Variants in ZNF705B observed in about 807,000 individuals in gnomAD.
The protein encoded by ZNF705B is zinc finger protein 705B.
A neutral mutation model predicts 10.5 loss-of-function variants in ZNF705B; 1 was observed. That is an observed-to-expected ratio of 0.10 (90% confidence interval 0.03 to 0.45). ZNF705B has a LOEUF of 0.45. ZNF705B is among the 20% of genes least tolerant of loss of function. The pLI is 0.97. For synonymous variants in ZNF705B, 4 were observed against 25.4 expected (o/e 0.16, Z 2.53); for missense variants, 14 against 84.0 (o/e 0.17, Z 3.26).
chr8:7,930,839 T>A lies in ZNF705B; in HGVS notation c.-72+403T>A, dbSNP rs1819823630. 2.1e-5 allele frequency among the ~76,000 whole-genome samples: 2 copies of A among 95,558 alleles called. 1 individual carries two copies. Among genetic ancestry groups the A allele is most frequent in the Non-Finnish European group, 5.2e-5 (2 of 38,398 alleles). The allele number at this position is 95,558 out of a possible 152,430, so 62.7% of individuals were successfully genotyped here. A position where few individuals can be genotyped will look rare whatever the true frequency, so the allele number is the denominator to read the frequency against. On this transcript the variant is annotated intron_variant, in intron 2 of 6. Transcript: ENST00000400120. ...TCACGGCAAAGATGTGTTGTGTTATTTTTTTTGTTTTTTTTTTTGTTGTTG... is the reference window on the plus strand; with the variant it reads ...TCACGGCAAAGATGTGTTGTGTTATATTTTTTGTTTTTTTTTTTGTTGTTG...
rs529572067 is a variant in ZNF705B at position 7,927,045 on chromosome 8, G to T, written c.-222+648G>T. Among the ~76,000 whole-genome samples, 134 of 119,764 alleles carry T rather than the reference G, an allele frequency of 1.1e-3. 4 individuals carry two copies. Among genetic ancestry groups the T allele is most frequent in the African/African-American group, 3.3e-3 (129 of 39,570 alleles). 78.6% of individuals were successfully genotyped at this position (119,764 alleles called of 152,430 possible). A position where few individuals can be genotyped will look rare whatever the true frequency, so the allele number is the denominator to read the frequency against. ...ATACCACTTTCAAGACTCGTGGTAC[G>T]TGATAGGTGTTCAAGAATGTTCATT... On this transcript the variant is annotated intron_variant, in intron 1 of 6. Coordinates refer to ENST00000400120, the MANE Select transcript of ZNF705B (RefSeq NM_001193630.1).
At chr8:7,931,992 G>A (rs1819862481) in intron 2 of ZNF705B, among the ~76,000 whole-genome samples, 1 of 121,074 alleles carries the variant, frequency 8.3e-6, no homozygotes, top group African/African-American at 2.5e-5. Context: ...AGGGCAGGAT[G>A]TAGTCTTTTG....
Position 7,933,929 on chromosome 8 carries a change from C to CTTTTTTT in ZNF705B, c.-72+3516_-72+3522dup, listed in dbSNP as rs1162997944. ...ATCAAGTCATAACATGTAATATAAA[C>CTTTTTTT]TTTTTTTTTTTTTTTTTTTTTTTTT... On this transcript the variant is annotated intron_variant, in intron 2 of 6. Transcript: ENST00000400120. Among the ~76,000 whole-genome samples the CTTTTTTT allele has an allele frequency of 3.8e-3, 113 of 29,356 alleles. 7 individuals carry two copies. The highest frequency in any genetic ancestry group is 7.6e-3 in the African/African-American group (97 of 12,810). 19.3% of individuals were successfully genotyped at this position (29,356 alleles called of 152,430 possible). A position where few individuals can be genotyped will look rare whatever the true frequency, so the allele number is the denominator to read the frequency against.
chr8:7,931,263 AC>A (rs1819840079), intron 2 of ZNF705B, among the ~76,000 whole-genome samples: 1 of 120,798 alleles, frequency 8.3e-6, no homozygotes, highest in South Asian at 2.8e-4. Flanking sequence ...AACTCTCGTG[AC>A]CCCAGATGGC....
Position 7,932,023 on chromosome 8 carries a change from G to A in ZNF705B, c.-72+1587G>A, listed in dbSNP as rs1043236452. On this transcript the variant is annotated intron_variant, in intron 2 of 6. Transcript: ENST00000400120. Reference sequence around the variant, plus strand: ...TTTTGGGGGCTGGGCTCTCAAATTGGCATTGTGCCACAGCTGCCTGTGTCT... The same window carrying A: ...TTTTGGGGGCTGGGCTCTCAAATTGACATTGTGCCACAGCTGCCTGTGTCT... 5.0e-5 allele frequency among the ~76,000 whole-genome samples: 6 copies of A among 120,240 alleles called. 1 individual carries two copies. In the South Asian group the frequency reaches 8.5e-4, roughly 17 times the overall value. 78.9% of individuals were successfully genotyped at this position (120,240 alleles called of 152,430 possible). A position where few individuals can be genotyped will look rare whatever the true frequency, so the allele number is the denominator to read the frequency against.
intron 2 of ZNF705B, among the ~76,000 whole-genome samples, chr8:7,940,374 G>A (rs1403807322): frequency 6.9e-6 from 1 of 145,532 alleles, no homozygotes; most frequent in African/African-American, 2.5e-5. Context: ...CTACCATCAA[G>A]ATTATAACCA....
chr8:7,926,894 G>A (rs564154262), intron 1 of ZNF705B, among the ~76,000 whole-genome samples: 1 of 111,374 alleles, frequency 9.0e-6, no homozygotes, highest in Non-Finnish European at 2.1e-5. Flanking sequence ...TAGCAAGAAA[G>A]ACTGTAAAAT....
At chr8:7,933,934 T>TTTTC (rs1819923439) in intron 2 of ZNF705B, among the ~76,000 whole-genome samples, 1 of 52,666 alleles carries the variant, frequency 1.9e-5, no homozygotes, top group Non-Finnish European at 4.4e-5. Flanking sequence ...ATAAACTTTT[T>TTTTC]TTTTTTTTTT....
rs1165071942 is a variant in ZNF705B, at chr8:7,928,420, T to G, written c.-221-1867T>G. On this transcript the variant is annotated intron_variant, in intron 1 of 6. Transcript: ENST00000400120. ...AGTGTCATTTGTTTAAACAAATACGTGAGTACCTCGTCTCTGCTAGGTACT... is the reference window on the plus strand; with the variant it reads ...AGTGTCATTTGTTTAAACAAATACGGGAGTACCTCGTCTCTGCTAGGTACT... 1.7e-5 allele frequency among the ~76,000 whole-genome samples: 2 copies of G among 120,866 alleles called. 1 individual carries two copies. Among genetic ancestry groups the G allele is most frequent in the Non-Finnish European group, 4.0e-5 (2 of 50,400 alleles). 79.3% of individuals were successfully genotyped at this position (120,866 alleles called of 152,430 possible). A position where few individuals can be genotyped will look rare whatever the true frequency, so the allele number is the denominator to read the frequency against.
At chr8:7,926,433 G>A (rs1347821140) in intron 1 of ZNF705B, 36 bp downstream of exon 1, 1 of 119,222 alleles carries the variant, frequency 8.4e-6, no homozygotes, top group Non-Finnish European at 2.0e-5. Context: ...GGCTAAAGAA[G>A]GGGTGGGAGG....
chr8:7,940,722 A>G (rs1563082963), intron 2 of ZNF705B, among the ~76,000 whole-genome samples: 1 of 146,960 alleles, frequency 6.8e-6, no homozygotes, highest in Non-Finnish European at 1.5e-5. Flanking sequence ...TATTTCATAT[A>G]ACCTAATGCC....
At chr8:7,931,653 G>A (rs1311110371) in intron 2 of ZNF705B, among the ~76,000 whole-genome samples, 22 of 123,420 alleles carry the variant, frequency 1.8e-4, no homozygotes, top group African/African-American at 5.2e-4. Flanking sequence ...CCAGGCAGGT[G>A]AGTCCCCAGG....
intron 2 of ZNF705B, among the ~76,000 whole-genome samples, chr8:7,941,058 AC>A (rs1299414193): frequency 1.3e-5 from 2 of 149,436 alleles, no homozygotes; most frequent in Non-Finnish European, 3.0e-5. Flanking sequence ...CATGGTGTAT[AC>A]GTACCACATT....
In ZNF705B at chr8:7,933,929, C is replaced by CTTTTTTTTTTT. The variant is rs1162997944; in HGVS notation, c.-72+3512_-72+3522dup. On this transcript the variant is annotated intron_variant, in intron 2 of 6. Coordinates refer to ENST00000400120, the MANE Select transcript of ZNF705B (RefSeq NM_001193630.1). Reference sequence around the variant, plus strand: ...ATCAAGTCATAACATGTAATATAAACTTTTTTTTTTTTTTTTTTTTTTTTT... The same window carrying CTTTTTTTTTTT: ...ATCAAGTCATAACATGTAATATAAACTTTTTTTTTTTTTTTTTTTTTTTTTTTTTTTTTTTT... 6.1e-3 allele frequency among the ~76,000 whole-genome samples: 180 copies of CTTTTTTTTTTT among 29,372 alleles called. 14 individuals are homozygous for CTTTTTTTTTTT. Among genetic ancestry groups the CTTTTTTTTTTT allele is most frequent in the African/African-American group, 0.012 (158 of 12,824 alleles). 19.3% of individuals were successfully genotyped at this position (29,372 alleles called of 152,430 possible).
chr8:7,931,145 G>C (rs1455195262), intron 2 of ZNF705B, among the ~76,000 whole-genome samples: 4 of 121,376 alleles, frequency 3.3e-5, no homozygotes, highest in Non-Finnish European at 7.9e-5. Flanking sequence ...GAGTCAGGTG[G>C]CTTTCTCAAG....
rs561531363 is a variant in ZNF705B, at chr8:7,926,743, G to A, written c.-222+346G>A. On this transcript the variant is annotated intron_variant, in intron 1 of 6. Coordinates refer to ENST00000400120, the MANE Select transcript of ZNF705B (RefSeq NM_001193630.1). ...TGATGCAGACTTTCCCCCTTTGTTA[G>A]GGAAGTGCAATTCAGACAACCTTTT... Among the ~76,000 whole-genome samples the A allele has an allele frequency of 6.7e-4, 77 of 115,008 alleles. 12 individuals carry two copies. The East Asian group carries it at 0.015, about 23-fold the overall frequency. The allele number at this position is 115,008 out of a possible 152,430, so 75.4% of individuals were successfully genotyped here.
rs865775976 is a variant in ZNF705B at position 7,928,244 on chromosome 8, C to T, written c.-222+1847C>T. Among the ~76,000 whole-genome samples the T allele has an allele frequency of 4.1e-4, 47 of 115,630 alleles. 1 individual carries two copies. The highest frequency in any genetic ancestry group is 9.8e-4 in the African/African-American group (38 of 38,768). 75.9% of individuals were successfully genotyped at this position (115,630 alleles called of 152,430 possible). A position where few individuals can be genotyped will look rare whatever the true frequency, so the allele number is the denominator to read the frequency against. On this transcript the variant is annotated intron_variant, in intron 1 of 6. Transcript: ENST00000400120. ...ACGACTTAATCACCTCCTCAAAGCC[C>T]GCACCTTGTAATATCGTCACCACCT...
rs2740670 is a variant in ZNF705B, at chr8:7,948,252, C to T, written c.12+819C>T. On this transcript the variant is annotated intron_variant, in intron 3 of 6. Coordinates refer to ENST00000400120, the MANE Select transcript of ZNF705B (RefSeq NM_001193630.1). ...AAAAAAAAAACAATGAAGAGGCTTT[C>T]TTAATCTTTGAACAAGTGAAGTGAG... Among the ~76,000 whole-genome samples, 67 of 16,832 alleles carry T rather than the reference C, an allele frequency of 4.0e-3. 14 individuals carry two copies. Among genetic ancestry groups the T allele is most frequent in the East Asian group, 0.032 (2 of 62 alleles). The allele number at this position is 16,832 out of a possible 152,430, so 11.0% of individuals were successfully genotyped here.
rs545250714 is a variant in ZNF705B at position 7,936,323 on chromosome 8, C to T, written c.-72+5887C>T. ...AGCATTATATTTTCAAACCACTTTT[C>T]GAGAAACTTAATACAGAACTACCAT... On this transcript the variant is annotated intron_variant, in intron 2 of 6. Transcript: ENST00000400120. 2.5e-4 allele frequency among the ~76,000 whole-genome samples: 30 copies of T among 119,740 alleles called. 1 individual carries two copies. The highest frequency in any genetic ancestry group is 5.9e-4 in the African/African-American group (23 of 39,272). The allele number at this position is 119,740 out of a possible 152,430, so 78.6% of individuals were successfully genotyped here.
Sources: allele counts gnomAD v4.1 joint callset (sites outside exome capture counted in the v4.1 genomes callset), GRCh38; gene constraint gnomAD v4.1.1; transcripts MANE v1.5; gene names NCBI Gene and HGNC (gene_info 2026-07-23, HGNC 2026-07-21).